The following BMPR2 variants were observed in gnomAD, a reference collection of about 807,000 sequenced individuals.
The protein encoded by BMPR2 is bone morphogenetic protein receptor type-2.
BMPR2 carries 29 observed loss-of-function variants against 100.8 expected under a neutral mutation model. The ratio of observed to expected loss-of-function variants is 0.29; its 90% confidence interval spans 0.21 to 0.39. The LOEUF (loss-of-function observed/expected upper bound fraction) is 0.39. Ranked by LOEUF, BMPR2 falls within the 10% of genes least tolerant of loss-of-function variation. BMPR2 has a pLI of 1.00. For synonymous variants in BMPR2, 382 were observed against 442.3 expected, an observed-to-expected ratio of 0.86 and a Z score of 1.71; for missense variants, 1,011 against 1,274.5, an observed-to-expected ratio of 0.79 and a Z score of 3.15.
At position 202,562,672 on chromosome 2, in the gene BMPR2, T is replaced by A. The variant is rs1688694580; in HGVS notation, c.*2726T>A. The A allele has an allele frequency of 6.6e-6, 1 of 152,210 alleles. No individual in the cohort carries two copies. 9.4% of individuals were successfully genotyped at this position (152,210 alleles called of 1,614,324 possible). On this transcript the variant is annotated 3_prime_UTR_variant, in exon 13 of 13. Coordinates refer to ENST00000374580, the MANE Select transcript of BMPR2 (RefSeq NM_001204.7). ...TAAAATTTATTTCACTGGATGGTAA[T>A]GTAACCTTAAAAGCATCATAATAGG...
rs1195153688 is a variant in BMPR2 at position 202,440,387 on chromosome 2, G to A, written c.77-24422G>A. On this transcript the variant is annotated intron_variant, in intron 1 of 12. Transcript: ENST00000374580. ...CCAGACGGGGCGGCGGGGCAGAGGC[G>A]CTCCCCACATCTCAGACGATGGGCA... 1.7e-4 allele frequency among the ~76,000 whole-genome samples: 25 copies of A among 148,946 alleles called. 3 individuals are homozygous for A. Among genetic ancestry groups the A allele is most frequent in the African/African-American group, 6.2e-4 (24 of 38,860 alleles).
intron 9 of BMPR2, among the ~76,000 whole-genome samples, chr2:202,534,252 A>G (rs1208222894): frequency 6.7e-6 from 1 of 148,616 alleles, no homozygotes; most frequent in African/African-American, 2.5e-5. Flanking sequence ...ATTTTTATTT[A>G]TTTATTTATT....
intron 3 of BMPR2, among the ~76,000 whole-genome samples, chr2:202,502,677 A>C (rs1318276169): frequency 1.3e-5 from 2 of 152,218 alleles, no homozygotes; most frequent in Non-Finnish European, 2.9e-5. Flanking sequence ...GTGACTCTCC[A>C]AAACCGCCGA....
intron 3 of BMPR2, among the ~76,000 whole-genome samples, chr2:202,488,630 G>A (rs1157888908): frequency 6.6e-6 from 1 of 151,954 alleles, no homozygotes; most frequent in Non-Finnish European, 1.5e-5. Flanking sequence ...ACAGGGTCTT[G>A]CTGTGTTCCT....
intron 10 of BMPR2, among the ~76,000 whole-genome samples, chr2:202,544,509 C>T (rs1353201597): frequency 6.6e-6 from 1 of 152,144 alleles, no homozygotes; most frequent in Non-Finnish European, 1.5e-5. Flanking sequence ...GCCCTAGTCT[C>T]CAGTCTAATG....
intron 3 of BMPR2, among the ~76,000 whole-genome samples, chr2:202,496,307 C>T (rs35305182): frequency 0.12 from 18,068 of 151,934 alleles, 1,193 homozygotes; most frequent in Admixed American, 0.14. Context: ...AGCAACATGG[C>T]AAAACCCTGT....
chr2:202,463,487 T>C (rs1307048549), intron 1 of BMPR2, among the ~76,000 whole-genome samples: 1 of 152,226 alleles, frequency 6.6e-6, no homozygotes, highest in Non-Finnish European at 1.5e-5. Flanking sequence ...CTCAGTGCTA[T>C]GGTGCGTATG....
chr2:202,556,264 C>A lies in BMPR2; in HGVS notation c.2599C>A (p.His867Asn), dbSNP rs750870680. 6.2e-7 allele frequency: 1 copy of A among 1,614,088 alleles called. No homozygotes were observed. The highest frequency in any genetic ancestry group is 1.3e-5 in the African/African-American group (1 of 74,920). Residue 867 changes from histidine (H) to asparagine (N), a missense_variant, in exon 12 of 13, where the codon CAT becomes AAT. Around this residue, in one of 6 missense-constraint regions of BMPR2, gnomAD observed 508 missense variants for 552.0 expected, o/e 0.92. Transcript: ENST00000374580. The part of the protein sequence containing the change: ...RLNINSSPDE[H>N]EPLLRREQQA... ...GAATATTAATTCCAGTCCTGATGAG[C>A]ATGAGCCTTTACTGAGACGAGAGCA... is the stretch of plus-strand genomic sequence containing the variant.
chr2:202,452,516 G>A (rs1692010389), intron 1 of BMPR2, among the ~76,000 whole-genome samples: 1 of 152,094 alleles, frequency 6.6e-6, no homozygotes, highest in Non-Finnish European at 1.5e-5. Flanking sequence ...AGGCATTGTG[G>A]CTTGTGCCTA....
chr2:202,416,436 T>G (rs1559031565), intron 1 of BMPR2, among the ~76,000 whole-genome samples: 1 of 150,914 alleles, frequency 6.6e-6, no homozygotes, highest in Admixed American at 6.6e-5. Context: ...AATTTTTTTT[T>G]TTTTTTTTGA....
chr2:202,427,812 T>TA (rs1181133833), intron 1 of BMPR2, among the ~76,000 whole-genome samples: 12 of 151,938 alleles, frequency 7.9e-5, no homozygotes, highest in Non-Finnish European at 2.9e-5. Context: ...ACCCCATCTC[T>TA]ACAAAAAACA....
Position 202,513,826 on chromosome 2 carries a change from A to G in BMPR2, c.526A>G (p.Thr176Ala). Reference sequence around the variant, plus strand: ...CTTATGCTTTGGATACAGAATGTTGACAGGTAAAAATTACCATTTTTTGTC... The same window carrying G: ...CTTATGCTTTGGATACAGAATGTTGGCAGGTAAAAATTACCATTTTTTGTC... ...VALCFGYRMLTGDRKQGLHSM... is the reference protein window; with the variant it reads ...VALCFGYRMLAGDRKQGLHSM... Residue 176 changes from threonine to alanine, a missense_variant, in exon 4 of 13, where the codon ACA (threonine) becomes GCA (alanine). Coordinates refer to ENST00000374580, the MANE Select transcript of BMPR2 (RefSeq NM_001204.7). 1 of 1,606,030 alleles carries G rather than the reference A, an allele frequency of 6.2e-7. No homozygotes were observed. The highest frequency in any genetic ancestry group is 1.7e-4 in the Middle Eastern group (1 of 5,904).
At chr2:202,494,101 A>G (rs1043370782) in intron 3 of BMPR2, among the ~76,000 whole-genome samples, 3 of 152,250 alleles carry the variant, frequency 2.0e-5, no homozygotes, top group African/African-American at 7.2e-5. Flanking sequence ...TTTATTTCCT[A>G]TAAAAACATT....
At position 202,503,391 on chromosome 2, in the gene BMPR2, G is replaced by A. The variant is rs1168859730; in HGVS notation, c.419-10328G>A. 2.0e-5 allele frequency among the ~76,000 whole-genome samples: 3 copies of A among 152,228 alleles called. No homozygotes were observed. The highest frequency in any genetic ancestry group is 6.5e-5 in the Admixed American group (1 of 15,286). On this transcript the variant is annotated intron_variant, in intron 3 of 12. Transcript: ENST00000374580. The surrounding 1 kb of genome is among the most constrained non-coding windows in gnomAD (Gnocchi z 4.0). ...TGCAGGGAGGTGTGGAGGGAGAGGC[G>A]CAAGCAGGAACCGGGGCGGCGTGCC...
At chr2:202,404,416 G>A (rs768277945) in intron 1 of BMPR2, among the ~76,000 whole-genome samples, 18 of 151,968 alleles carry the variant, frequency 1.2e-4, no homozygotes, top group Admixed American at 2.0e-4. Context: ...GGCTGGTCTC[G>A]AGCTCCTGGC....
At chr2:202,422,243 A>G (rs1691278685) in intron 1 of BMPR2, among the ~76,000 whole-genome samples, 2 of 151,860 alleles carry the variant, frequency 1.3e-5, no homozygotes, top group African/African-American at 4.8e-5. Context: ...AACACTTTCA[A>G]AGATACATGT....
chr2:202,520,534 A>G, intron 7 of BMPR2: 1 of 345,144 alleles, frequency 2.9e-6, no homozygotes, highest in Non-Finnish European at 5.5e-6. Flanking sequence ...GAAACAAGTT[A>G]AAGTATCTAG....
At chr2:202,526,252 A>G (rs911947098) in intron 7 of BMPR2, among the ~76,000 whole-genome samples, 2 of 152,082 alleles carry the variant, frequency 1.3e-5, no homozygotes, top group African/African-American at 4.8e-5. Context: ...CCTTTGCTAT[A>G]ATTGTGTCTT....
chr2:202,549,900 T>G (rs185564323), intron 10 of BMPR2, among the ~76,000 whole-genome samples: 1 of 152,262 alleles, frequency 6.6e-6, no homozygotes, highest in Admixed American at 6.5e-5. Flanking sequence ...ATTTTAAACA[T>G]TCTTTTTTGG....
Sources: allele counts gnomAD v4.1 joint callset (sites outside exome capture counted in the v4.1 genomes callset), GRCh38; gene constraint gnomAD v4.1.1; regional missense constraint gnomAD v4.1.1; non-coding constraint Gnocchi (gnomAD v3.1); transcripts MANE v1.5; gene names NCBI Gene and HGNC (gene_info 2026-07-23, HGNC 2026-07-21).